Variants in RARB observed in about 807,000 individuals in gnomAD.
The protein encoded by RARB is retinoic acid receptor beta, also known as HBV-activated protein.
Under a neutral mutation model 51.9 loss-of-function variants are expected in RARB, and 17 were observed. That is an observed-to-expected ratio of 0.33 (90% CI 0.22 to 0.49). The LOEUF (loss-of-function observed/expected upper bound fraction) is 0.49. Among genes scored for constraint, RARB ranks in the 20% least tolerant of loss-of-function variants. RARB has a pLI of 0.99. For synonymous variants in RARB, 215 were observed against 195.4 expected, an observed-to-expected ratio of 1.10 and a Z score of -0.84; for missense variants, 369 against 550.8, an observed-to-expected ratio of 0.67 and a Z score of 3.30.
At chr3:24,887,172 C>A (rs1048729923) in intron 2 of RARB, among the ~76,000 whole-genome samples, 11 of 152,130 alleles carry the variant, frequency 7.2e-5, no homozygotes, top group African/African-American at 2.7e-4. Flanking sequence ...TTTAAAGTCA[C>A]ATTTCTTCTG....
chr3:25,051,017 C>G (rs1163324232), intron 2 of RARB, among the ~76,000 whole-genome samples: 1 of 152,160 alleles, frequency 6.6e-6, no homozygotes, highest in African/African-American at 2.4e-5. Context: ...ATCTCTCACT[C>G]TCTTTAACTG....
intron 5 of RARB, among the ~76,000 whole-genome samples, chr3:25,235,357 A>C (rs1188868515): frequency 6.6e-6 from 1 of 152,146 alleles, no homozygotes; most frequent in Non-Finnish European, 1.5e-5. Flanking sequence ...GCTCAGAAGA[A>C]CAGATGCTTC....
At chr3:24,934,909 T>A (rs1457868535) in intron 2 of RARB, among the ~76,000 whole-genome samples, 1 of 152,144 alleles carries the variant, frequency 6.6e-6, no homozygotes, top group African/African-American at 2.4e-5. Flanking sequence ...TTAATGGTAT[T>A]TTGGAGTACC....
intron 5 of RARB, among the ~76,000 whole-genome samples, chr3:25,191,922 C>A (rs564225350): frequency 1.5e-4 from 23 of 152,162 alleles, no homozygotes; most frequent in Admixed American, 1.2e-3. Context: ...GTAAAGCAGG[C>A]AGACGAGGCG....
At chr3:24,856,069 AAG>A in intron 1 of RARB, among the ~76,000 whole-genome samples, 1 of 145,536 alleles carries the variant, frequency 6.9e-6, no homozygotes, top group Admixed American at 7.0e-5. Context: ...CATTTACAAC[AAG>A]TTTTCCTAGG....
At chr3:25,413,139 T>C (rs1156309627) in intron 5 of RARB, among the ~76,000 whole-genome samples, 2 of 152,154 alleles carry the variant, frequency 1.3e-5, no homozygotes, top group East Asian at 1.9e-4. Flanking sequence ...TCTAACAACA[T>C]AGATTAAAAG....
intron 2 of RARB, among the ~76,000 whole-genome samples, chr3:24,874,358 T>C (rs1259295309): frequency 6.6e-6 from 1 of 152,088 alleles, no homozygotes; most frequent in Middle Eastern, 3.2e-3. Flanking sequence ...TGTTCTTCAT[T>C]GGTGATTCTT....
intron 2 of RARB, among the ~76,000 whole-genome samples, chr3:24,958,252 C>A (rs1373207003): frequency 1.4e-5 from 1 of 72,602 alleles, no homozygotes; most frequent in Non-Finnish European, 3.0e-5. Flanking sequence ...CTGAGCTGCT[C>A]AGGTTTTTTT....
chr3:24,978,337 T>C (rs1325398052), intron 2 of RARB, among the ~76,000 whole-genome samples: 1 of 152,206 alleles, frequency 6.6e-6, no homozygotes, highest in African/African-American at 2.4e-5. Context: ...TGGTACCAGC[T>C]CCTTTTTGTA....
chr3:25,461,449 T>C (rs1362822982), intron 2 of RARB, 108 bp downstream of exon 2: 1 of 1,277,078 alleles, frequency 7.8e-7, no homozygotes, highest in East Asian at 2.4e-5. Flanking sequence ...TCACCTCCCA[T>C]AAGTGTGGTG....
intron 2 of RARB, among the ~76,000 whole-genome samples, chr3:25,035,421 C>CTTT (rs140970899): frequency 1.6e-5 from 2 of 121,660 alleles, no homozygotes; most frequent in African/African-American, 7.0e-5. Flanking sequence ...TGCGTCCAGC[C>CTTT]TTTTTTTTTT....
chr3:25,188,095 C>G (rs1701017924), intron 5 of RARB, among the ~76,000 whole-genome samples: 1 of 152,052 alleles, frequency 6.6e-6, no homozygotes. Context: ...AGACAATATT[C>G]TTACATTTTT....
At chr3:25,236,706 T>C (rs902419617) in intron 5 of RARB, among the ~76,000 whole-genome samples, 3 of 152,136 alleles carry the variant, frequency 2.0e-5, no homozygotes, top group African/African-American at 7.2e-5. Context: ...TTAATGTATG[T>C]CTGCTGCTGT....
At chr3:24,877,230 G>T (rs142904441) in intron 2 of RARB, among the ~76,000 whole-genome samples, 18 of 151,040 alleles carry the variant, frequency 1.2e-4, no homozygotes, top group African/African-American at 3.9e-4. Context: ...TCTCACTTCT[G>T]TTTAAACACA....
intron 2 of RARB, among the ~76,000 whole-genome samples, chr3:25,003,691 G>A (rs1697213622): frequency 6.6e-6 from 1 of 152,086 alleles, no homozygotes; most frequent in Admixed American, 6.6e-5. Context: ...TATGATCTGT[G>A]CAAGATTGAG....
chr3:25,496,833 G>A (rs1444629043), intron 2 of RARB, among the ~76,000 whole-genome samples: 1 of 152,074 alleles, frequency 6.6e-6, no homozygotes, highest in Admixed American at 6.6e-5. Context: ...GTACCATTAC[G>A]GTGTCAGCAG....
Position 24,982,940 on chromosome 3 carries a change from A to G in RARB, c.-379-77185A>G, listed in dbSNP as rs922308030. 3.3e-5 allele frequency among the ~76,000 whole-genome samples: 5 copies of G among 152,362 alleles called. No homozygotes were observed. The South Asian group carries it at 1.0e-3, about 32-fold the overall frequency. On this transcript the variant is annotated intron_variant, in intron 2 of 11. Transcript: ENST00000383772. ...GTCCTTCTGGAAATTAGCACAAGTAAGAATTCTTTTTGAAACTATTTGAAT... is the reference window on the plus strand; with the variant it reads ...GTCCTTCTGGAAATTAGCACAAGTAGGAATTCTTTTTGAAACTATTTGAAT...
At chr3:25,577,205 C>T (rs1700972213) in intron 4 of RARB, among the ~76,000 whole-genome samples, 3 of 152,208 alleles carry the variant, frequency 2.0e-5, no homozygotes, top group Admixed American at 1.3e-4. Flanking sequence ...CCCTCCGGTT[C>T]GCCCGCGGGA....
At chr3:24,939,355 G>T (rs749707651) in intron 2 of RARB, among the ~76,000 whole-genome samples, 1 of 152,132 alleles carries the variant, frequency 6.6e-6, no homozygotes, top group Non-Finnish European at 1.5e-5. Context: ...GCTGGATCAT[G>T]TGTTAATTCT....
Sources: allele counts gnomAD v4.1 joint callset (sites outside exome capture counted in the v4.1 genomes callset), GRCh38; gene constraint gnomAD v4.1.1; transcripts MANE v1.5; gene names NCBI Gene and HGNC (gene_info 2026-07-23, HGNC 2026-07-21).